The following PHEX variants were observed in gnomAD, a reference collection of about 807,000 sequenced individuals.
The protein encoded by PHEX is phosphate regulating endopeptidase X-linked, also known as phosphate-regulating neutral endopeptidase PHEX.
Under a neutral mutation model 68.0 loss-of-function variants are expected in PHEX, and 16 were observed. The ratio of observed to expected loss-of-function variants is 0.24; its 90% CI spans 0.16 to 0.36. PHEX has a LOEUF of 0.36. PHEX is among the 10% of genes least tolerant of loss of function. The probability of loss-of-function intolerance (pLI) is 1.00; values close to 1 mark genes in which losing one functional copy is unlikely to be tolerated. For synonymous variants in PHEX, 208 were observed against 205.1 expected (o/e 1.01, Z -0.12); for missense variants, 480 against 575.5 (o/e 0.83, Z 1.70).
intron 7 of PHEX, 25 bp downstream of exon 7, chrX:22,094,124 T>A: frequency 1.2e-6 from 1 of 866,304 alleles, no homozygotes; most frequent in Non-Finnish European, 1.7e-6. Context: ...AAAATCTCTT[T>A]CTTTCCTTTA....
At chrX:22,176,825 A>T (rs1457880872) in intron 13 of PHEX, among the ~76,000 whole-genome samples, 1 of 111,575 alleles carries the variant, frequency 9.0e-6, no homozygotes, top group African/African-American at 3.3e-5. Flanking sequence ...AGATTATTTC[A>T]TGTTCATGCA....
chrX:22,218,914 C>T (rs1023975734), intron 16 of PHEX, 122 bp from the exon 17 acceptor site: 5 of 515,880 alleles, frequency 9.7e-6, no homozygotes, highest in East Asian at 3.5e-5. Context: ...TATGGTTATT[C>T]GATTGTTATT....
chrX:22,233,576 T>G lies in PHEX; in HGVS notation c.2070+5965T>G, dbSNP rs1935848187. Among the ~76,000 whole-genome samples the G allele has an allele frequency of 4.5e-5, 5 of 111,300 alleles. No homozygotes were observed. In the Admixed American group the frequency reaches 4.8e-4, roughly 11 times the overall value. ...CACTGAGTTGATCTTCAATCTCTGATATCCTTTCTTCCGCTTGATCAATTC... is the reference window on the plus strand; with the variant it reads ...CACTGAGTTGATCTTCAATCTCTGAGATCCTTTCTTCCGCTTGATCAATTC... On this transcript the variant is annotated intron_variant, in intron 20 of 21. Transcript: ENST00000379374.
intron 15 of PHEX, among the ~76,000 whole-genome samples, chrX:22,196,645 G>A (rs953146486): frequency 2.7e-5 from 3 of 112,317 alleles, no homozygotes; most frequent in Non-Finnish European, 5.6e-5. Flanking sequence ...TTTGAAAAGC[G>A]CCTCATTTAA....
intron 13 of PHEX, among the ~76,000 whole-genome samples, chrX:22,175,850 A>T (rs1000099497): frequency 5.4e-5 from 6 of 111,707 alleles, no homozygotes; most frequent in African/African-American, 1.9e-4. Context: ...ATTTCCCAGA[A>T]TGTGTTCTGA....
At chrX:22,148,928 G>C (rs1254114203) in intron 12 of PHEX, among the ~76,000 whole-genome samples, 1 of 111,675 alleles carries the variant, frequency 9.0e-6, no homozygotes, top group Non-Finnish European at 1.9e-5. Context: ...TCAGCCTTGG[G>C]ACACGTGACC....
chrX:22,033,800 A>T (rs1317270066), intron 1 of PHEX, among the ~76,000 whole-genome samples: 2 of 112,293 alleles, frequency 1.8e-5, no homozygotes, highest in Non-Finnish European at 3.8e-5. Context: ...CCCATGAAAA[A>T]GAATCAAATA....
chrX:22,162,338 G>A (rs188311518), intron 12 of PHEX, among the ~76,000 whole-genome samples: 1 of 112,161 alleles, frequency 8.9e-6, no homozygotes, highest in Admixed American at 9.4e-5. Context: ...TTCTTTTCTC[G>A]ATATTTTTCC....
chrX:22,110,373 AAAGC>A (rs2147060664), intron 9 of PHEX, among the ~76,000 whole-genome samples: 1 of 112,626 alleles, frequency 8.9e-6, no homozygotes, highest in African/African-American at 3.2e-5. Context: ...AAGACAAATA[AAAGC>A]AAGTAAGATA....
At chrX:22,072,808 A>G (rs748621502) in intron 3 of PHEX, among the ~76,000 whole-genome samples, 1 of 111,784 alleles carries the variant, frequency 8.9e-6, no homozygotes, top group South Asian at 3.7e-4. Flanking sequence ...TGAGCGTGTT[A>G]ACTTTGTGAA....
intron 20 of PHEX, among the ~76,000 whole-genome samples, chrX:22,239,398 T>G (rs1159230079): frequency 1.8e-5 from 2 of 110,855 alleles, no homozygotes; most frequent in Non-Finnish European, 3.8e-5. Context: ...TTTTGATGAA[T>G]TGACAGAAGT....
At chrX:22,115,367 A>G (rs1415993794) in intron 11 of PHEX, among the ~76,000 whole-genome samples, 4 of 112,397 alleles carry the variant, frequency 3.6e-5, no homozygotes, top group Non-Finnish European at 7.5e-5. Context: ...ATGATTTGAC[A>G]TACATTGTGA....
chrX:22,059,404 C>T (rs1462282243), intron 3 of PHEX, among the ~76,000 whole-genome samples: 3 of 112,313 alleles, frequency 2.7e-5, no homozygotes, highest in Non-Finnish European at 5.6e-5. Context: ...CGTATCACTA[C>T]TTCAAAATTA....
intron 11 of PHEX, among the ~76,000 whole-genome samples, chrX:22,128,243 A>G (rs1026960279): frequency 7.4e-5 from 8 of 108,021 alleles, no homozygotes; most frequent in South Asian, 4.1e-4. Context: ...TTTTGTATCT[A>G]GTAGAGACGG....
chrX:22,038,138 T>A (rs1010243009), intron 1 of PHEX, among the ~76,000 whole-genome samples: 1 of 110,588 alleles, frequency 9.0e-6, no homozygotes, highest in African/African-American at 3.3e-5. Flanking sequence ...TGAGTCAAGA[T>A]CTTGGAGTGG....
At chrX:22,170,543 G>C (rs1933488050) in intron 13 of PHEX, among the ~76,000 whole-genome samples, 1 of 111,717 alleles carries the variant, frequency 9.0e-6, no homozygotes, top group Admixed American at 9.5e-5. Context: ...TGTTTAGAAT[G>C]AACCCTAACA....
At position 22,176,402 on chromosome X, in the gene PHEX, A is replaced by AATAT. The variant is rs1174350162; in HGVS notation, c.1483-1850_1483-1847dup. 5.3e-3 allele frequency among the ~76,000 whole-genome samples: 304 copies of AATAT among 57,692 alleles called. 2 individuals carry two copies. Among genetic ancestry groups the AATAT allele is most frequent in the Non-Finnish European group, 7.5e-3 (253 of 33,818 alleles). The allele number at this position is 57,692 out of a possible 115,157, so 50.1% of individuals were successfully genotyped here. ...ACTGTCTCAAAAAAAAAAAAAAAAA[A>AATAT]ATATATATATATATATATATATATG... On this transcript the variant is annotated intron_variant, in intron 13 of 21. Transcript: ENST00000379374.
rs774907553 is a variant in PHEX at position 22,077,692 on chromosome X, A to G, written c.653A>G (p.His218Arg). ...CCTGATGACAAAGCATCCAATGAAC[A>G]TATCTTGAAGGTATAATGAGGACCC... ...VSPDDKASNE[H>R]ILKLDQATLS... The change falls in exon 5 of 22, where the codon CAT (histidine) becomes CGT (arginine). Residue 218 changes from histidine (H) to arginine (R), a missense_variant. Physicochemically the swap from His to Arg is conservative, Grantham distance 29. Transcript: ENST00000379374. The G allele has an allele frequency of 5.5e-5, 66 of 1,193,886 alleles. No homozygotes were observed. In the South Asian group the frequency reaches 1.1e-3, roughly 20 times the overall value.
At chrX:22,235,308 T>G (rs1010032668) in intron 20 of PHEX, among the ~76,000 whole-genome samples, 1 of 112,348 alleles carries the variant, frequency 8.9e-6, no homozygotes, top group African/African-American at 3.2e-5. Context: ...CTTCTAGTTC[T>G]TCTCGATGTT....
Sources: gnomAD v4.1 joint callset for allele counts (sites outside exome capture counted in the v4.1 genomes callset) on GRCh38, gnomAD v4.1.1 for gene constraint, MANE v1.5 for transcripts, NCBI Gene and HGNC (gene_info 2026-07-23, HGNC 2026-07-21) for gene names.